SUPT3H: variants seen among roughly 807,000 people sequenced by gnomAD.
SUPT3H encodes the protein transcription initiation protein SPT3 homolog.
In SUPT3H, 44 loss-of-function variants were observed where a neutral mutation model predicts 44.3. The observed-to-expected ratio is 0.99, with a 90% CI of 0.78 to 1.28. The LOEUF is 1.28. Ranked by LOEUF, SUPT3H falls within the 50% of genes most tolerant of loss-of-function variation. The pLI is 0.00. For missense variants in SUPT3H, 380 were observed against 387.1 expected (o/e 0.98, Z 0.15); for synonymous variants, 124 against 125.6 (o/e 0.99, Z 0.09).
At chr6:45,181,380 G>T (rs1813142554) in intron 2 of SUPT3H, among the ~76,000 whole-genome samples, 1 of 151,786 alleles carries the variant, frequency 6.6e-6, no homozygotes, top group African/African-American at 2.4e-5. Context: ...ATACCCAAAG[G>T]ACTATAAATC....
At chr6:45,226,031 G>A (rs1216444189) in intron 2 of SUPT3H, among the ~76,000 whole-genome samples, 4 of 152,122 alleles carry the variant, frequency 2.6e-5, no homozygotes, top group Non-Finnish European at 5.9e-5. Flanking sequence ...ATACACCAAT[G>A]CAATCCTCAG....
intron 2 of SUPT3H, among the ~76,000 whole-genome samples, chr6:45,230,686 A>ATATATATATATATATATATATATATT (rs796866510): frequency 3.4e-5 from 4 of 116,796 alleles, no homozygotes; most frequent in South Asian, 3.1e-4. Flanking sequence ...ATATATATAT[A>ATATATATATATATATATATATATATT]TTTTTGAGAT....
chr6:45,251,192 T>C (rs540716626), intron 2 of SUPT3H: 2 of 152,254 alleles, frequency 1.3e-5, no homozygotes, highest in South Asian at 4.1e-4. Context: ...ATTTGCAATA[T>C]AAAACCTATT....
intron 2 of SUPT3H, among the ~76,000 whole-genome samples, chr6:45,230,687 T>TATATATATATATATATA (rs1562747092): frequency 1.2e-3 from 121 of 99,600 alleles, no homozygotes; most frequent in East Asian, 1.5e-3. Flanking sequence ...TATATATATA[T>TATATATATATATATATA]TTTTGAGATG....
At chr6:44,865,351 C>A (rs192808080) in intron 10 of SUPT3H, among the ~76,000 whole-genome samples, 1 of 152,196 alleles carries the variant, frequency 6.6e-6, no homozygotes, top group South Asian at 2.1e-4. Flanking sequence ...TCCAAAGTCA[C>A]TTCCACATTT....
chr6:44,986,561 T>C (rs149486478), intron 6 of SUPT3H, among the ~76,000 whole-genome samples: 58 of 152,264 alleles, frequency 3.8e-4, no homozygotes, highest in Middle Eastern at 6.8e-3. Flanking sequence ...TTTACAATAC[T>C]TTGAGTTGAG....
intron 6 of SUPT3H, among the ~76,000 whole-genome samples, chr6:44,992,277 T>C (rs1780709725): frequency 6.6e-6 from 1 of 152,166 alleles, no homozygotes; most frequent in South Asian, 2.1e-4. Flanking sequence ...TGAGTGATTC[T>C]ATAAAAAACT....
intron 3 of SUPT3H, among the ~76,000 whole-genome samples, chr6:45,054,341 G>A (rs924813524): frequency 6.6e-6 from 1 of 152,074 alleles, no homozygotes; most frequent in Non-Finnish European, 1.5e-5. Context: ...GTCGCACAGG[G>A]ATACAGAGAA....
At chr6:45,175,121 T>C (rs7743116) in intron 2 of SUPT3H, among the ~76,000 whole-genome samples, 61,596 of 151,394 alleles carry the variant, frequency 0.41, 12,927 homozygotes, top group East Asian at 0.71. Context: ...AACTTCCTAC[T>C]ATATCACTTA....
At chr6:45,045,866 C>T (rs1789312467) in intron 3 of SUPT3H, among the ~76,000 whole-genome samples, 1 of 152,032 alleles carries the variant, frequency 6.6e-6, no homozygotes, top group Non-Finnish European at 1.5e-5. Flanking sequence ...TGTAAGCTGC[C>T]TTTTCATTTT....
intron 2 of SUPT3H, among the ~76,000 whole-genome samples, chr6:45,332,815 T>C (rs756866180): frequency 6.6e-6 from 1 of 151,808 alleles, no homozygotes; most frequent in Non-Finnish European, 1.5e-5. Context: ...CTATTTTTTC[T>C]AGTCACTCAC....
intron 2 of SUPT3H, among the ~76,000 whole-genome samples, chr6:45,232,312 C>T (rs1768208213): frequency 6.6e-6 from 1 of 152,186 alleles, no homozygotes; most frequent in South Asian, 2.1e-4. Context: ...ATTTCTCCAG[C>T]TGTAAATGGC....
At chr6:45,251,465 A>C (rs1772366467) in intron 2 of SUPT3H, among the ~76,000 whole-genome samples, 1 of 151,968 alleles carries the variant, frequency 6.6e-6, no homozygotes, top group Non-Finnish European at 1.5e-5. Context: ...CCAAAGTAAG[A>C]CTGAAAATTT....
chr6:45,181,339 C>G (rs981406429), intron 2 of SUPT3H, among the ~76,000 whole-genome samples: 1 of 151,240 alleles, frequency 6.6e-6, no homozygotes, highest in Non-Finnish European at 1.5e-5. Flanking sequence ...CTAGGAATAC[C>G]ATTTGACCCA....
rs1302720241 is a variant in SUPT3H at position 44,961,746 on chromosome 6, T to C, written c.580+7A>G. 6.2e-7 allele frequency: 1 copy of C among 1,600,624 alleles called. No homozygotes were observed. The highest frequency in any genetic ancestry group is 1.7e-5 in the Admixed American group (1 of 57,246). On this transcript the variant is annotated splice_region_variant and intron_variant, in intron 7 of 10. Transcript: ENST00000371459. ...ATATAATTAAGCAAAGTTAAATAGTTACTTACAGAAACTTAATTGTCGACT... is the reference window on the plus strand; with the variant it reads ...ATATAATTAAGCAAAGTTAAATAGTCACTTACAGAAACTTAATTGTCGACT...
intron 9 of SUPT3H, among the ~76,000 whole-genome samples, chr6:44,941,679 C>T (rs1177021591): frequency 1.3e-5 from 2 of 152,110 alleles, no homozygotes; most frequent in Non-Finnish European, 2.9e-5. Context: ...AACTCCTACA[C>T]AATTTTATAG....
At chr6:45,301,473 CT>C (rs577745550) in intron 2 of SUPT3H, among the ~76,000 whole-genome samples, 11 of 151,746 alleles carry the variant, frequency 7.2e-5, no homozygotes, top group Non-Finnish European at 1.3e-4. Flanking sequence ...TGTTTTGGGT[CT>C]TTTTGGTGCA....
At chr6:45,063,757 GAA>G (rs1792669414) in intron 3 of SUPT3H, among the ~76,000 whole-genome samples, 1 of 138,924 alleles carries the variant, frequency 7.2e-6, no homozygotes, top group South Asian at 2.4e-4. Flanking sequence ...GAAGGTTAGA[GAA>G]AAAAGAGTAA....
chr6:45,216,332 C>T (rs1765051213), intron 2 of SUPT3H, among the ~76,000 whole-genome samples: 1 of 151,894 alleles, frequency 6.6e-6, no homozygotes, highest in African/African-American at 2.4e-5. Context: ...GAAATCAAAG[C>T]TTATCACTGC....
Sources: allele counts gnomAD v4.1 joint callset (sites outside exome capture counted in the v4.1 genomes callset), GRCh38; gene constraint gnomAD v4.1.1; transcripts MANE v1.5; gene names NCBI Gene and HGNC (gene_info 2026-07-23, HGNC 2026-07-21).